The following STAT4 variants were observed in gnomAD, a reference collection of about 807,000 sequenced individuals.
The protein encoded by STAT4 is signal transducer and activator of transcription 4.
Under a neutral mutation model 110.5 loss-of-function variants are expected in STAT4, and 42 were observed. The ratio of observed to expected loss-of-function variants is 0.38; its 90% CI spans 0.30 to 0.49. The LOEUF (loss-of-function observed/expected upper bound fraction) is 0.49, where lower values mean the gene tolerates loss of function less well. Among genes scored for constraint, STAT4 ranks in the 20% least tolerant of loss-of-function variants. The pLI is 0.95. For missense variants in STAT4, 632 were observed against 887.9 expected, an observed-to-expected ratio of 0.71 and a Z score of 3.66; for synonymous variants, 284 against 302.2, an observed-to-expected ratio of 0.94 and a Z score of 0.63.
intron 5 of STAT4, among the ~76,000 whole-genome samples, chr2:191,072,021 A>G (rs2464995): frequency 0.014 from 2,072 of 152,270 alleles, 50 homozygotes; most frequent in African/African-American, 0.048. Flanking sequence ...GTCTGAAGGC[A>G]GCCAAAGTCT....
chr2:191,132,783 C>A (rs1256705807), intron 3 of STAT4, among the ~76,000 whole-genome samples: 2 of 142,652 alleles, frequency 1.4e-5, no homozygotes, highest in Non-Finnish European at 3.0e-5. Flanking sequence ...GAGACGGAGT[C>A]TCGCTCTGTC....
chr2:191,103,026 A>G (rs1377409540), intron 3 of STAT4, among the ~76,000 whole-genome samples: 4 of 152,134 alleles, frequency 2.6e-5, no homozygotes, highest in Non-Finnish European at 5.9e-5. Flanking sequence ...ATCCTTTCCT[A>G]TCCTAGTCAC....
Position 191,114,018 on chromosome 2 carries a change from A to G in STAT4, c.273+32595T>C, listed in dbSNP as rs80277914. On this transcript the variant is annotated intron_variant, in intron 3 of 23. Coordinates refer to ENST00000392320, the MANE Select transcript of STAT4 (RefSeq NM_003151.4). ...CTGAAGAAAACTGTGGTCTGATCTA[A>G]GATGTGATATACAGGAAGCTGCTGT... Among the ~76,000 whole-genome samples the G allele has an allele frequency of 1.5e-3, 229 of 152,338 alleles. 4 individuals carry two copies. In the East Asian group the frequency reaches 0.042, roughly 28 times the overall value.
rs199633613 is a variant in STAT4 at position 191,058,046 on chromosome 2, C to G, written c.1178G>C (p.Gly393Ala). ...KAMSIEESSN[G>A]SLSVEFRHLQ... ...ATGTCGAAATTCTACTGAGAGACTC[C>G]CATTGGAAGATTCTTCAATAGACAT... The change falls in exon 13 of 24, where the codon GGG (glycine) becomes GCG (alanine). Residue 393 changes from glycine (G) to alanine (A), a missense_variant. By Grantham distance (60) the Gly-to-Ala change is moderately conservative (BLOSUM62 0). Coordinates refer to ENST00000392320, the MANE Select transcript of STAT4 (RefSeq NM_003151.4). The surrounding 1 kb of genome is among the most constrained non-coding windows in gnomAD (Gnocchi z 4.3). The G allele has an allele frequency of 7.7e-5, 124 of 1,613,968 alleles. No individual in the cohort carries two copies. Among genetic ancestry groups the G allele is most frequent in the Middle Eastern group, 4.9e-4 (3 of 6,062 alleles).
At position 191,083,694 on chromosome 2, in the gene STAT4, A is replaced by G. The variant is rs138158552; in HGVS notation, c.274-7369T>C. ...ACCTACTGCGTACTTCTGGTTGCCA[A>G]CTAGCTCTCTCTCCCTTTGCATCAC... On this transcript the variant is annotated intron_variant, in intron 3 of 23. Coordinates refer to ENST00000392320, the MANE Select transcript of STAT4 (RefSeq NM_003151.4). This position sits in a 1 kb window ranked among gnomAD's most constrained non-coding sequence, Gnocchi z 4.6. Among the ~76,000 whole-genome samples, 278 of 152,266 alleles carry G rather than the reference A, an allele frequency of 1.8e-3. 1 individual carries two copies. Among genetic ancestry groups the G allele is most frequent in the African/African-American group, 6.6e-3 (273 of 41,552 alleles).
In STAT4 at chr2:191,032,040, A is replaced by T. The variant is rs1695911089; in HGVS notation, c.2045-524T>A. On this transcript the variant is annotated intron_variant, in intron 21 of 23. Transcript: ENST00000392320. The surrounding 1 kb of genome is among the most constrained non-coding windows in gnomAD (Gnocchi z 4.9). Reference sequence around the variant, plus strand: ...CTCTGGTATACCATGTTGAACTAGTATTTGTTCCAATTTTCCAACCCTAAT... The same window carrying T: ...CTCTGGTATACCATGTTGAACTAGTTTTTGTTCCAATTTTCCAACCCTAAT... The T allele has an allele frequency of 6.6e-6, 1 of 152,212 alleles. No homozygotes were observed. Among genetic ancestry groups the T allele is most frequent in the Admixed American group, 6.5e-5 (1 of 15,274 alleles). The allele number at this position is 152,212 out of a possible 1,614,324, so 9.4% of individuals were successfully genotyped here.
Position 191,082,523 on chromosome 2 carries a change from A to G in STAT4, c.274-6198T>C, listed in dbSNP as rs980315958. 6.6e-6 allele frequency among the ~76,000 whole-genome samples: 1 copy of G among 152,260 alleles called. No individual in the cohort carries two copies. Among genetic ancestry groups the G allele is most frequent in the Admixed American group, 6.5e-5 (1 of 15,288 alleles). On this transcript the variant is annotated intron_variant, in intron 3 of 23. Coordinates refer to ENST00000392320, the MANE Select transcript of STAT4 (RefSeq NM_003151.4). This position sits in a 1 kb window ranked among gnomAD's most constrained non-coding sequence, Gnocchi z 4.7. ...GATTGCCACATGGCAACAGCAATTA[A>G]GAGGTGTTATTGATTATAATATGCA...
At chr2:191,048,981 C>G (rs1004415662) in intron 14 of STAT4, among the ~76,000 whole-genome samples, 9 of 150,800 alleles carry the variant, frequency 6.0e-5, no homozygotes, top group African/African-American at 2.2e-4. Flanking sequence ...AGAAAAATAC[C>G]CATTGGAAAA....
chr2:191,108,048 T>C (rs13032230), intron 3 of STAT4, among the ~76,000 whole-genome samples: 83,656 of 151,682 alleles, frequency 0.55, 28,056 homozygotes, highest in Non-Finnish European at 0.74. Flanking sequence ...CCCAGCACTT[T>C]GGGAGGCCTA....
chr2:191,126,123 T>C (rs948827801), intron 3 of STAT4, among the ~76,000 whole-genome samples: 17 of 152,378 alleles, frequency 1.1e-4, no homozygotes, highest in Admixed American at 4.6e-4. Flanking sequence ...ATTTGGATTA[T>C]ACTGACAAAC....
chr2:191,120,352 C>A (rs1380785799), intron 3 of STAT4, among the ~76,000 whole-genome samples: 2 of 151,984 alleles, frequency 1.3e-5, no homozygotes, highest in Admixed American at 6.6e-5. Context: ...CAGAGACAGA[C>A]AAAACAATTT....
At chr2:191,130,380 G>A (rs1178274498) in intron 3 of STAT4, among the ~76,000 whole-genome samples, 4 of 147,814 alleles carry the variant, frequency 2.7e-5, no homozygotes, top group African/African-American at 5.3e-5. Flanking sequence ...CTGCCACCAC[G>A]CCAGCTAATT....
At chr2:191,123,096 C>G (rs976519596) in intron 3 of STAT4, among the ~76,000 whole-genome samples, 3 of 152,182 alleles carry the variant, frequency 2.0e-5, no homozygotes, top group African/African-American at 7.2e-5. Context: ...TTCAGTTTGA[C>G]TGTATAATCT....
At chr2:191,133,142 T>C (rs1310624715) in intron 3 of STAT4, among the ~76,000 whole-genome samples, 1 of 151,040 alleles carries the variant, frequency 6.6e-6, no homozygotes, top group African/African-American at 2.4e-5. Context: ...TATTTTAAAA[T>C]AATATTTAAT....
intron 3 of STAT4, among the ~76,000 whole-genome samples, chr2:191,084,533 A>C (rs1697581971): frequency 6.6e-6 from 1 of 152,196 alleles, no homozygotes; most frequent in Non-Finnish European, 1.5e-5. Context: ...TTTTTCATAA[A>C]GTTACAAGAA....
chr2:191,142,465 G>C lies in STAT4; in HGVS notation c.273+4148C>G, dbSNP rs778415611. 6.6e-6 allele frequency among the ~76,000 whole-genome samples: 1 copy of C among 152,036 alleles called. No individual in the cohort carries two copies. The highest frequency in any genetic ancestry group is 6.6e-5 in the Admixed American group (1 of 15,258). On this transcript the variant is annotated intron_variant, in intron 3 of 23. Transcript: ENST00000392320. The surrounding 1 kb of genome is among the most constrained non-coding windows in gnomAD (Gnocchi z 4.1). ...ATACCAGAGGCTGGGAAGGGTGGGT[G>C]GATGGAGGGAAATGAAAAGAGCCTG... is the stretch of plus-strand genomic sequence containing the variant.
chr2:191,054,658 T>C, intron 13 of STAT4, 124 bp from the exon 14 acceptor site: 1 of 768,444 alleles, frequency 1.3e-6, no homozygotes, highest in Non-Finnish European at 2.1e-6. Flanking sequence ...CAACATATTT[T>C]CAAACTCATT....
chr2:191,100,909 A>G (rs1025015092), intron 3 of STAT4, among the ~76,000 whole-genome samples: 6 of 152,122 alleles, frequency 3.9e-5, no homozygotes, highest in African/African-American at 1.4e-4. Flanking sequence ...TGGTTTACCC[A>G]GAAAAATGGA....
rs930516453 is a variant in STAT4, at chr2:191,090,134, G to A, written c.274-13809C>T. 3.3e-5 allele frequency among the ~76,000 whole-genome samples: 5 copies of A among 152,094 alleles called. No homozygotes were observed. Among genetic ancestry groups the A allele is most frequent in the African/African-American group, 9.7e-5 (4 of 41,426 alleles). ...ACTAATGTAAGATATAGGAGAAACTGGTGAGGGGTGTGAGAAGGAGACTAA... is the reference window on the plus strand; with the variant it reads ...ACTAATGTAAGATATAGGAGAAACTAGTGAGGGGTGTGAGAAGGAGACTAA... On this transcript the variant is annotated intron_variant, in intron 3 of 23. Coordinates refer to ENST00000392320, the MANE Select transcript of STAT4 (RefSeq NM_003151.4). This position sits in a 1 kb window ranked among gnomAD's most constrained non-coding sequence, Gnocchi z 4.2.
Sources: gnomAD v4.1 joint callset for allele counts (sites outside exome capture counted in the v4.1 genomes callset) on GRCh38, gnomAD v4.1.1 for gene constraint, Gnocchi (gnomAD v3.1) non-coding constraint, MANE v1.5 for transcripts, NCBI Gene and HGNC (gene_info 2026-07-23, HGNC 2026-07-21) for gene names.